Variants in DPP10 observed in about 807,000 individuals in gnomAD.
DPP10 encodes the protein dipeptidyl peptidase like 10.
DPP10 carries 33 observed loss-of-function variants against 120.9 expected under a neutral mutation model. The observed-to-expected ratio is 0.27, with a 90% CI of 0.21 to 0.37. DPP10 has a LOEUF of 0.37. Among genes scored for constraint, DPP10 ranks in the 10% least tolerant of loss-of-function variants. The pLI, the probability that DPP10 is intolerant of heterozygous loss-of-function variation, is 1.00. For synonymous variants in DPP10, 337 were observed against 326.1 expected (o/e 1.03, Z -0.36); for missense variants, 816 against 942.8 (o/e 0.87, Z 1.76).
chr2:114,742,056 T>G (rs193227536), intron 1 of DPP10, among the ~76,000 whole-genome samples: 1 of 152,260 alleles, frequency 6.6e-6, no homozygotes, highest in Non-Finnish European at 1.5e-5. Context: ...TAAGTGCAGA[T>G]GTACAAAAAA....
At chr2:115,836,599 T>G in intron 23 of DPP10, 34 bp downstream of exon 23, 1 of 1,610,446 alleles carries the variant, frequency 6.2e-7, no homozygotes, top group Non-Finnish European at 8.5e-7. Flanking sequence ...GAAAGAGGAG[T>G]ATTTTTGTTC....
At chr2:115,253,424 C>T (rs951513735) in intron 1 of DPP10, among the ~76,000 whole-genome samples, 9 of 152,176 alleles carry the variant, frequency 5.9e-5, no homozygotes, top group Non-Finnish European at 1.2e-4. Flanking sequence ...TGTCTTATTT[C>T]ATCCCAGCAT....
At chr2:115,451,298 A>G (rs2073089306) in intron 3 of DPP10, among the ~76,000 whole-genome samples, 1 of 151,918 alleles carries the variant, frequency 6.6e-6, no homozygotes, top group African/African-American at 2.4e-5. Context: ...TAGAGTTTAA[A>G]TACATATAAT....
At chr2:115,435,628 T>C (rs2071425400) in intron 3 of DPP10, among the ~76,000 whole-genome samples, 1 of 151,930 alleles carries the variant, frequency 6.6e-6, no homozygotes, top group Non-Finnish European at 1.5e-5. Flanking sequence ...AATTTGCAAA[T>C]ATTATCAAAT....
At chr2:114,969,640 T>C (rs1388105633) in intron 1 of DPP10, among the ~76,000 whole-genome samples, 1 of 152,166 alleles carries the variant, frequency 6.6e-6, no homozygotes, top group Non-Finnish European at 1.5e-5. Context: ...TTTCCAGCAT[T>C]CCTGTAGCTA....
At chr2:114,776,095 G>A (rs1351314359) in intron 1 of DPP10, among the ~76,000 whole-genome samples, 1 of 152,050 alleles carries the variant, frequency 6.6e-6, no homozygotes, top group Non-Finnish European at 1.5e-5. Context: ...GATATGATGG[G>A]AAAATACACT....
At chr2:114,975,562 T>C (rs1699700822) in intron 1 of DPP10, among the ~76,000 whole-genome samples, 1 of 152,228 alleles carries the variant, frequency 6.6e-6, no homozygotes, top group Non-Finnish European at 1.5e-5. Context: ...AATGCGTTTG[T>C]GCTAATACAA....
intron 1 of DPP10, among the ~76,000 whole-genome samples, chr2:114,799,546 C>A (rs1401274772): frequency 1.3e-5 from 2 of 151,984 alleles, no homozygotes; most frequent in African/African-American, 4.8e-5. Flanking sequence ...AAATTTTAGG[C>A]TGGGAAAAAA....
intron 1 of DPP10, among the ~76,000 whole-genome samples, chr2:115,174,193 A>T (rs1368869516): frequency 6.6e-6 from 1 of 152,200 alleles, no homozygotes; most frequent in Non-Finnish European, 1.5e-5. Flanking sequence ...CATTTTCCTG[A>T]TGAAGTAGAA....
rs1009255885 is a variant in DPP10 at position 114,874,725 on chromosome 2, A to G, written c.60+431887A>G. ...TGGTCCATGGAAAAAGTTGTCTTCCATGAAACCAGTCCCTGGTGCCAAAAA... is the reference window on the plus strand; with the variant it reads ...TGGTCCATGGAAAAAGTTGTCTTCCGTGAAACCAGTCCCTGGTGCCAAAAA... On this transcript the variant is annotated intron_variant, in intron 1 of 25. Transcript: ENST00000410059. Among the ~76,000 whole-genome samples, 6 of 152,280 alleles carry G rather than the reference A, an allele frequency of 3.9e-5. No homozygotes were observed. The South Asian group carries it at 6.2e-4, about 16-fold the overall frequency.
intron 1 of DPP10, among the ~76,000 whole-genome samples, chr2:114,446,863 A>G (rs1462568162): frequency 3.3e-5 from 5 of 152,146 alleles, no homozygotes; most frequent in Admixed American, 6.5e-5. Flanking sequence ...AAGGGGTTAA[A>G]AGAGGATGAA....
intron 1 of DPP10, among the ~76,000 whole-genome samples, chr2:115,191,608 G>T (rs575983447): frequency 6.6e-6 from 1 of 152,200 alleles, no homozygotes; most frequent in Non-Finnish European, 1.5e-5. Flanking sequence ...GTTTGGTAGG[G>T]TTTTCCCCTA....
At chr2:115,108,187 T>C (rs1201995014) in intron 1 of DPP10, among the ~76,000 whole-genome samples, 1 of 152,140 alleles carries the variant, frequency 6.6e-6, no homozygotes, top group African/African-American at 2.4e-5. Context: ...CTTACATAGA[T>C]GAAATATGCA....
chr2:114,910,776 C>T (rs541812464), intron 1 of DPP10, among the ~76,000 whole-genome samples: 2 of 152,132 alleles, frequency 1.3e-5, no homozygotes, highest in South Asian at 4.1e-4. Context: ...ATAGTTCATG[C>T]TCAAAAAAAT....
At chr2:115,197,514 A>C (rs2055371351) in intron 1 of DPP10, among the ~76,000 whole-genome samples, 2 of 152,304 alleles carry the variant, frequency 1.3e-5, no homozygotes, top group African/African-American at 2.4e-5. Context: ...CAGTGGTCTA[A>C]TCAAAAAAGC....
At chr2:115,136,189 G>A (rs1250033901) in intron 1 of DPP10, among the ~76,000 whole-genome samples, 1 of 151,938 alleles carries the variant, frequency 6.6e-6, no homozygotes, top group Non-Finnish European at 1.5e-5. Flanking sequence ...CATGTAAATA[G>A]CAATTATTGT....
At chr2:115,770,602 A>G (rs559575206) in intron 13 of DPP10, among the ~76,000 whole-genome samples, 1 of 152,300 alleles carries the variant, frequency 6.6e-6, no homozygotes, top group Admixed American at 6.5e-5. Context: ...CAATTTATAC[A>G]TAACTTTGAA....
intron 3 of DPP10, among the ~76,000 whole-genome samples, chr2:115,420,816 G>C (rs1029721211): frequency 6.6e-6 from 1 of 152,144 alleles, no homozygotes; most frequent in Non-Finnish European, 1.5e-5. Context: ...AGAAGGACCA[G>C]AGTAGAAGAT....
At chr2:115,767,315 A>G (rs1312889800) in intron 12 of DPP10, among the ~76,000 whole-genome samples, 3 of 152,140 alleles carry the variant, frequency 2.0e-5, no homozygotes, top group Non-Finnish European at 4.4e-5. Context: ...GCCATTGTGC[A>G]GAGCTACTCA....
Sources: gnomAD v4.1 joint callset for allele counts (sites outside exome capture counted in the v4.1 genomes callset) on GRCh38, gnomAD v4.1.1 for gene constraint, MANE v1.5 for transcripts, NCBI Gene and HGNC (gene_info 2026-07-23, HGNC 2026-07-21) for gene names.